PLCG2: variants seen among roughly 807,000 people sequenced by gnomAD.
PLCG2 encodes the protein phospholipase C gamma 2, also known as 1-phosphatidylinositol 4,5-bisphosphate phosphodiesterase gamma-2.
PLCG2 carries 69 observed loss-of-function variants against 175.6 expected under a neutral mutation model. The ratio of observed to expected loss-of-function variants is 0.39; its 90% CI spans 0.32 to 0.48. The LOEUF (loss-of-function observed/expected upper bound fraction) is 0.48, where lower values mean the gene tolerates loss of function less well. PLCG2 is among the 20% of genes least tolerant of loss of function. PLCG2 has a pLI of 0.91. For missense variants in PLCG2, 1,798 were observed against 1,650.9 expected (o/e 1.09, Z -1.54); for synonymous variants, 827 against 624.0 (o/e 1.33, Z -4.85).
At chr16:81,788,831 A>G (rs1458929785) in intron 2 of PLCG2, among the ~76,000 whole-genome samples, 1 of 152,170 alleles carries the variant, frequency 6.6e-6, no homozygotes, top group Non-Finnish European at 1.5e-5. Context: ...GACTGTTTGC[A>G]TTGGCCGGCT....
chr16:81,842,844 A>C (rs1041907587), intron 2 of PLCG2: 5 of 152,030 alleles, frequency 3.3e-5, no homozygotes, highest in Admixed American at 2.0e-4. Flanking sequence ...GAGGGGCCAA[A>C]AGTCCGCAAG....
chr16:81,847,984 G>C (rs1906211773), intron 2 of PLCG2, among the ~76,000 whole-genome samples: 1 of 152,322 alleles, frequency 6.6e-6, no homozygotes, highest in Non-Finnish European at 1.5e-5. Flanking sequence ...AAGTTATTCT[G>C]TGGGTAGTGA....
At chr16:81,760,343 C>T (rs1236797524) in intron 2 of PLCG2, among the ~76,000 whole-genome samples, 1 of 152,092 alleles carries the variant, frequency 6.6e-6, no homozygotes, top group Non-Finnish European at 1.5e-5. Context: ...CTGGTTCTCT[C>T]CCTCCAGATA....
chr16:81,958,145 A>G lies in PLCG2; in HGVS notation c.*147A>G, dbSNP rs1360185952. ...CATCAAGGACATTTCTTAAGACCCA[A>G]CTGGCATGAGTTGGGGTAATTTCCT... On this transcript the variant is annotated 3_prime_UTR_variant, in exon 33 of 33. Coordinates refer to ENST00000564138, the MANE Select transcript of PLCG2 (RefSeq NM_002661.5). 1.4e-5 allele frequency: 9 copies of G among 648,510 alleles called. No homozygotes were observed. Among genetic ancestry groups the G allele is most frequent in the East Asian group, 2.8e-5 (1 of 36,240 alleles). The allele number at this position is 648,510 out of a possible 1,614,324, so 40.2% of individuals were successfully genotyped here. A position where few individuals can be genotyped will look rare whatever the true frequency, so the allele number is the denominator to read the frequency against.
chr16:81,818,252 C>A (rs538594609), intron 2 of PLCG2, among the ~76,000 whole-genome samples: 2 of 152,234 alleles, frequency 1.3e-5, no homozygotes, highest in South Asian at 2.1e-4. Flanking sequence ...TCAGTCAGCT[C>A]CTCACTTCCT....
rs566687814 is a variant in PLCG2 at position 81,926,570 on chromosome 16, T to C, written c.2418-512T>C. 4.6e-5 allele frequency among the ~76,000 whole-genome samples: 7 copies of C among 152,352 alleles called. No individual in the cohort carries two copies. The South Asian group carries it at 1.5e-3, about 32-fold the overall frequency. ...TATTTACTGTGTACTAGGTAGGCGCTGTCCCAAGCACTCAGCTTATGTTAA... is the reference window on the plus strand; with the variant it reads ...TATTTACTGTGTACTAGGTAGGCGCCGTCCCAAGCACTCAGCTTATGTTAA... On this transcript the variant is annotated intron_variant, in intron 22 of 32. Transcript: ENST00000564138.
At chr16:81,894,880 T>A (rs1379871136) in intron 12 of PLCG2, among the ~76,000 whole-genome samples, 1 of 150,992 alleles carries the variant, frequency 6.6e-6, no homozygotes, top group South Asian at 2.1e-4. Flanking sequence ...CTCAAAAAAA[T>A]AAAAATAAAA....
intron 2 of PLCG2, among the ~76,000 whole-genome samples, chr16:81,822,522 C>T (rs1346114937): frequency 1.3e-5 from 2 of 151,952 alleles, no homozygotes; most frequent in South Asian, 2.1e-4. Flanking sequence ...TTTGGGAGGC[C>T]GAGGCGGGTG....
intron 4 of PLCG2, 67 bp from the exon 5 acceptor site, chr16:81,859,049 C>G (rs1906829006): frequency 1.1e-6 from 1 of 949,618 alleles, no homozygotes; most frequent in Non-Finnish European, 1.7e-6. Flanking sequence ...CCGTAGGACT[C>G]ACTTAGACTT....
At chr16:81,793,721 T>C (rs1442096703) in intron 2 of PLCG2, among the ~76,000 whole-genome samples, 2 of 152,218 alleles carry the variant, frequency 1.3e-5, no homozygotes, top group Non-Finnish European at 2.9e-5. Flanking sequence ...TAATGAATGC[T>C]CACTGTGTCC....
chr16:81,778,927 C>A (rs976745098), upstream of PLCG2, among the ~76,000 whole-genome samples: 2 of 152,244 alleles, frequency 1.3e-5, no homozygotes, highest in Admixed American at 6.5e-5. Context: ...TCCCAAAGAG[C>A]TGGGATGACA....
At chr16:81,866,524 G>T (rs1305360874) in intron 5 of PLCG2, among the ~76,000 whole-genome samples, 12 of 70,752 alleles carry the variant, frequency 1.7e-4, no homozygotes, top group African/African-American at 4.7e-4. Flanking sequence ...CCTCTCCCTT[G>T]CTCCCAGGAT....
chr16:81,794,902 T>C (rs756271578), intron 2 of PLCG2, among the ~76,000 whole-genome samples: 8 of 152,218 alleles, frequency 5.3e-5, no homozygotes, highest in Non-Finnish European at 1.2e-4. Flanking sequence ...CTTTGGAGCA[T>C]GCCAGTGTGA....
chr16:81,900,032 CA>C (rs1406547824), intron 13 of PLCG2, among the ~76,000 whole-genome samples: 5 of 152,146 alleles, frequency 3.3e-5, no homozygotes, highest in African/African-American at 9.6e-5. Context: ...CAGATACACA[CA>C]AATGATCTAT....
At chr16:81,910,816 C>G (rs1909590179) in intron 18 of PLCG2, 96 bp downstream of exon 18, 2 of 1,156,608 alleles carry the variant, frequency 1.7e-6, no homozygotes, top group South Asian at 1.3e-5. Flanking sequence ...GCCAGTCCCC[C>G]AGGACACCCT....
intron 31 of PLCG2, among the ~76,000 whole-genome samples, chr16:81,953,146 C>T (rs971441232): frequency 1.3e-5 from 2 of 152,120 alleles, no homozygotes; most frequent in South Asian, 4.1e-4. Flanking sequence ...CCAAAGTGTC[C>T]TGAGGGAGGA....
At chr16:81,795,604 T>C (rs1310936136) in intron 2 of PLCG2, among the ~76,000 whole-genome samples, 1 of 152,112 alleles carries the variant, frequency 6.6e-6, no homozygotes, top group African/African-American at 2.4e-5. Context: ...GTGTGACCAC[T>C]GCATGGAGGA....
At chr16:81,863,304 G>A (rs1198662065) in intron 5 of PLCG2, among the ~76,000 whole-genome samples, 1 of 152,180 alleles carries the variant, frequency 6.6e-6, no homozygotes, top group Non-Finnish European at 1.5e-5. Flanking sequence ...CAGAATATTT[G>A]TCCTTTTGTA....
In PLCG2 at chr16:81,746,738, A is replaced by C. The variant is rs114771280; in HGVS notation, c.-145+7353A>C. Among the ~76,000 whole-genome samples, 590 of 152,256 alleles carry C rather than the reference A, an allele frequency of 3.9e-3. 4 individuals are homozygous for C. The highest frequency in any genetic ancestry group is 0.014 in the African/African-American group (562 of 41,542). ...GCATCTGTAAAGTGGGCATATTAAT[A>C]ATTCCCACTTCTCAGGCTTGATAAC... On this transcript the variant is annotated intron_variant, in intron 1 of 5. Transcript: ENST00000565054.
Sources: gnomAD v4.1 joint callset for allele counts (sites outside exome capture counted in the v4.1 genomes callset) on GRCh38, gnomAD v4.1.1 for gene constraint, MANE v1.5 for transcripts, NCBI Gene and HGNC (gene_info 2026-07-23, HGNC 2026-07-21) for gene names.